The following LRCH1 variants were observed in gnomAD, a reference collection of about 807,000 sequenced individuals.
LRCH1 encodes the protein leucine-rich repeat and calponin homology domain-containing protein 1.
A neutral mutation model predicts 94.9 loss-of-function variants in LRCH1; 23 were observed. That is an observed-to-expected ratio of 0.24 (90% CI 0.17 to 0.34). LRCH1 has a LOEUF of 0.34. LRCH1 is among the 10% of genes least tolerant of loss of function. LRCH1 has a pLI of 1.00. For missense variants in LRCH1, 790 were observed against 945.9 expected (o/e 0.84, Z 2.16); for synonymous variants, 364 against 354.9 (o/e 1.03, Z -0.29).
intron 19 of LRCH1, among the ~76,000 whole-genome samples, chr13:46,741,321 T>C (rs1186329293): frequency 6.6e-6 from 1 of 152,212 alleles, no homozygotes; most frequent in Non-Finnish European, 1.5e-5. Flanking sequence ...TTTATGCCAC[T>C]GATGAGCACA....
intron 19 of LRCH1, among the ~76,000 whole-genome samples, chr13:46,736,078 T>C (rs1483794425): frequency 2.0e-5 from 3 of 151,902 alleles, no homozygotes; most frequent in African/African-American, 7.3e-5. Context: ...ATTATAGGCA[T>C]GGGCCACTGT....
intron 13 of LRCH1, among the ~76,000 whole-genome samples, chr13:46,710,273 G>A (rs549036528): frequency 6.6e-6 from 1 of 152,310 alleles, no homozygotes; most frequent in South Asian, 2.1e-4. Flanking sequence ...AGTAAACTTA[G>A]ACTTTGGGCA....
At chr13:46,569,783 G>A (rs753094393) in intron 1 of LRCH1, among the ~76,000 whole-genome samples, 8 of 152,066 alleles carry the variant, frequency 5.3e-5, no homozygotes, top group Admixed American at 1.3e-4. Context: ...TAAGGCCTCC[G>A]CTTTGCCTTC....
chr13:46,669,153 G>A lies in LRCH1; in HGVS notation c.576G>A (p.Glu192=). 6.2e-7 allele frequency: 1 copy of A among 1,613,580 alleles called. No individual in the cohort carries two copies. The highest frequency in any genetic ancestry group is 1.1e-5 in the South Asian group (1 of 91,020). ...TAGGTCAGCTCAAACAGTTAATGGA[G>A]CTGGTATGTTACCGATTTTTAAGAT... ...EEIGQLKQLM[E]LDVSCNEITA... The change falls in exon 3 of 20, where the codon GAG becomes GAA. Residue 192 remains glutamate (E), a synonymous_variant. Coordinates refer to ENST00000389797, the MANE Select transcript of LRCH1 (RefSeq NM_001164211.2).
chr13:46,573,866 A>ATATATATTTTTTTTT, intron 1 of LRCH1, among the ~76,000 whole-genome samples: 1 of 63,394 alleles, frequency 1.6e-5, no homozygotes, highest in Admixed American at 2.1e-4. Flanking sequence ...ATATATATAT[A>ATATATATTTTTTTTT]TTTTTTTTTT....
intron 1 of LRCH1, among the ~76,000 whole-genome samples, chr13:46,594,014 G>A (rs2050531028): frequency 6.6e-6 from 1 of 152,024 alleles, no homozygotes; most frequent in African/African-American, 2.4e-5. Flanking sequence ...CCATCTCCTT[G>A]AACTAGAGAA....
intron 1 of LRCH1, among the ~76,000 whole-genome samples, chr13:46,623,972 C>T (rs2050914566): frequency 6.6e-6 from 1 of 151,504 alleles, no homozygotes; most frequent in Non-Finnish European, 1.5e-5. Flanking sequence ...CAGCCTCAAA[C>T]TCCTGGGCTC....
chr13:46,656,198 CACAG>C (rs2051367837), intron 2 of LRCH1, among the ~76,000 whole-genome samples: 1 of 152,316 alleles, frequency 6.6e-6, no homozygotes, highest in African/African-American at 2.4e-5. Flanking sequence ...CCTTAGAAAA[CACAG>C]ACTTTATACT....
chr13:46,728,187 G>A (rs1323179173), intron 17 of LRCH1, among the ~76,000 whole-genome samples: 1 of 152,016 alleles, frequency 6.6e-6, no homozygotes, highest in Non-Finnish European at 1.5e-5. Flanking sequence ...AAAGTGTTGG[G>A]GTTACAGGTG....
At chr13:46,569,976 CAG>C (rs1327127671) in intron 1 of LRCH1, among the ~76,000 whole-genome samples, 2 of 152,130 alleles carry the variant, frequency 1.3e-5, no homozygotes, top group Admixed American at 6.5e-5. Flanking sequence ...TCATCTAAAA[CAG>C]AGTTTATAAT....
chr13:46,726,862 C>CAAA (rs71077918), intron 17 of LRCH1, among the ~76,000 whole-genome samples: 4,292 of 77,718 alleles, frequency 0.055, 341 homozygotes, highest in Admixed American at 0.075. Flanking sequence ...AGAGCAGTGT[C>CAAA]AAAAAAAAAA....
chr13:46,723,091 G>T (rs910143958), intron 16 of LRCH1, 130 bp from the exon 17 acceptor site: 9 of 537,526 alleles, frequency 1.7e-5, no homozygotes, highest in Non-Finnish European at 2.6e-5. Context: ...TTGTGGATTT[G>T]GAATTTCTTT....
chr13:46,553,231 CG>C lies in LRCH1; in HGVS notation c.-165del. The stretch of plus-strand genomic sequence containing the variant: ...GACCGAGCTGCCACGGCCGCCTCCC[CG>C]CCCGCCCCCCATTCTACGCGCCTGC... On this transcript the variant is annotated 5_prime_UTR_variant, in exon 1 of 20. Transcript: ENST00000389797. 4 of 506,206 alleles carry C rather than the reference CG, an allele frequency of 7.9e-6. No homozygotes were observed. The highest frequency in any genetic ancestry group is 1.4e-5 in the Non-Finnish European group (4 of 283,714). The allele number at this position is 506,206 out of a possible 1,614,324, so 31.4% of individuals were successfully genotyped here.
chr13:46,602,220 A>G (rs2050635824), intron 1 of LRCH1, among the ~76,000 whole-genome samples: 3 of 152,248 alleles, frequency 2.0e-5, no homozygotes, highest in African/African-American at 4.8e-5. Flanking sequence ...TTCCGCTAGA[A>G]TAAAGCTTGA....
intron 1 of LRCH1, among the ~76,000 whole-genome samples, chr13:46,616,410 A>G (rs2138013565): frequency 6.6e-6 from 1 of 152,288 alleles, no homozygotes; most frequent in Middle Eastern, 3.4e-3. Context: ...CCTTAACCTG[A>G]CAGCACCCCC....
At chr13:46,585,210 A>G (rs1175748251) in intron 1 of LRCH1, among the ~76,000 whole-genome samples, 1 of 152,218 alleles carries the variant, frequency 6.6e-6, no homozygotes, top group African/African-American at 2.4e-5. Flanking sequence ...CTGTATTTCA[A>G]AACATGCTGA....
intron 5 of LRCH1, 106 bp downstream of exon 5, chr13:46,686,147 C>G: frequency 1.7e-6 from 2 of 1,144,092 alleles, no homozygotes; most frequent in Non-Finnish European, 2.3e-6. Flanking sequence ...AATCACTAAT[C>G]ACTGGCAAGC....
intron 15 of LRCH1, among the ~76,000 whole-genome samples, chr13:46,713,583 A>G (rs1446994781): frequency 6.6e-6 from 1 of 152,216 alleles, no homozygotes; most frequent in East Asian, 1.9e-4. Context: ...GGCAGTTTGA[A>G]TGGGCCATAG....
chr13:46,714,107 C>G (rs1872203364), intron 15 of LRCH1, among the ~76,000 whole-genome samples: 1 of 152,180 alleles, frequency 6.6e-6, no homozygotes, highest in African/African-American at 2.4e-5. Flanking sequence ...ATTTCACATT[C>G]TTTGTAGCAG....
Sources: gnomAD v4.1 joint callset for allele counts (sites outside exome capture counted in the v4.1 genomes callset) on GRCh38, gnomAD v4.1.1 for gene constraint, MANE v1.5 for transcripts, NCBI Gene and HGNC (gene_info 2026-07-23, HGNC 2026-07-21) for gene names.